Variants in OSM observed in about 807,000 individuals in gnomAD.
OSM encodes oncostatin M.
In OSM, 1 loss-of-function variant was observed where a neutral mutation model predicts 6.3. The observed-to-expected ratio is 0.16, with a 90% CI of 0.06 to 0.76. The LOEUF is 0.76. Among genes scored for constraint, OSM ranks in the 30% least tolerant of loss-of-function variants. The probability of loss-of-function intolerance (pLI) is 0.77; values close to 1 mark genes in which losing one functional copy is unlikely to be tolerated. For synonymous variants in OSM, 135 were observed against 143.4 expected (o/e 0.94, Z 0.42); for missense variants, 324 against 336.9 (o/e 0.96, Z 0.30).
rs991557623 is a variant in OSM at position 30,266,709 on chromosome 22, G to A, written c.34+57C>T. 6.1e-5 allele frequency: 98 copies of A among 1,600,134 alleles called. 1 individual carries two copies. In the Admixed American group the frequency reaches 1.3e-3, roughly 21 times the overall value. ...GCAGAGGGTGCCTCTGCTCCCCACCGGCACCCGTGGGCAGACCCAGCAGGC... is the reference window on the plus strand; with the variant it reads ...GCAGAGGGTGCCTCTGCTCCCCACCAGCACCCGTGGGCAGACCCAGCAGGC... On this transcript the variant is annotated intron_variant, in intron 1 of 2. Coordinates refer to ENST00000215781, the MANE Select transcript of OSM (RefSeq NM_020530.6). The surrounding 1 kb of genome is among the most constrained non-coding windows in gnomAD (Gnocchi z 5.0).
Position 30,263,024 on chromosome 22 carries a change from C to T in OSM, c.*859G>A, listed in dbSNP as rs1189976132. The T allele has an allele frequency of 6.5e-6, 1 of 152,694 alleles. No individual in the cohort carries two copies. The highest frequency in any genetic ancestry group is 2.4e-5 in the African/African-American group (1 of 41,442). The allele number at this position is 152,694 out of a possible 1,614,324, so 9.5% of individuals were successfully genotyped here. On this transcript the variant is annotated 3_prime_UTR_variant, in exon 3 of 3. Coordinates refer to ENST00000215781, the MANE Select transcript of OSM (RefSeq NM_020530.6). ...GCAATGGCTCCTGCGTGAGAAAATT[C>T]CAGGATCCACCACCAGGGGGAGCAG...
In OSM at chr22:30,264,117, C is replaced by A; in HGVS notation, c.525G>T (p.Pro175=). 1.2e-6 allele frequency: 2 copies of A among 1,611,310 alleles called. No homozygotes were observed. The highest frequency in any genetic ancestry group is 1.7e-6 in the Non-Finnish European group (2 of 1,178,308). The change falls in exon 3 of 3, where the codon CCG becomes CCT. Residue 175 remains proline, a synonymous_variant. Coordinates refer to ENST00000215781, the MANE Select transcript of OSM (RefSeq NM_020530.6). ...PTKAGRGASQ[P]PTPTPASDAF... ...CATCCGAGGCAGGGGTGGGGGTGGGCGGCTGAGAGGCCCCCCGGCCAGCCT... is the reference window on the plus strand; with the variant it reads ...CATCCGAGGCAGGGGTGGGGGTGGGAGGCTGAGAGGCCCCCCGGCCAGCCT...
Position 30,264,119 on chromosome 22 carries a change from G to A in OSM, c.523C>T (p.Pro175Ser), listed in dbSNP as rs529069377. 5 of 1,611,748 alleles carry A rather than the reference G, an allele frequency of 3.1e-6. No individual in the cohort carries two copies. In the South Asian group the frequency reaches 4.4e-5, roughly 14 times the overall value. The change falls in exon 3 of 3, where the codon CCG becomes TCG. Residue 175 changes from proline (P) to serine (S), a missense_variant. By Grantham distance (74) the Pro-to-Ser change is moderately conservative. Coordinates refer to ENST00000215781, the MANE Select transcript of OSM (RefSeq NM_020530.6). The part of the protein sequence containing the change: ...PTKAGRGASQ[P>S]PTPTPASDAF... ...TCCGAGGCAGGGGTGGGGGTGGGCG[G>A]CTGAGAGGCCCCCCGGCCAGCCTTC...
rs749106969 is a variant in OSM at position 30,264,018 on chromosome 22, G to C, written c.624C>G (p.Val208=). 2 of 1,563,456 alleles carry C rather than the reference G, an allele frequency of 1.3e-6. No individual in the cohort carries two copies. The highest frequency in any genetic ancestry group is 3.6e-5 in the Admixed American group (2 of 54,874). ...TCGGGCTCTCCCCCCACTTGCTGAA[G>C]ACCCGCCCCACTGAGTGCATGAAGC... The part of the protein sequence containing the change: ...YHRFMHSVGR[V]FSKWGESPNR... The change falls in exon 3 of 3, where the codon GTC becomes GTG. Residue 208 remains valine, a synonymous_variant. Transcript: ENST00000215781.
At position 30,264,080 on chromosome 22, in the gene OSM, TGC is replaced by T. The variant is rs1474319473; in HGVS notation, c.560_561del (p.Arg187GlnfsTer106). ...TPTPASDAFQ[R>X]KLEGCRFLHG... is the part of the protein sequence containing the mutation. ...TGCAGGAACCTGCAGCCCTCCAGCT[TGC>T]GCTGAAAAGCATCCGAGGCAGGGGT... On this transcript the variant is annotated frameshift_variant, in exon 3 of 3. Transcript: ENST00000215781. LOFTEE classifies it low-confidence loss of function (END_TRUNC). 1 of 1,604,054 alleles carries T rather than the reference TGC, an allele frequency of 6.2e-7. No homozygotes were observed. The highest frequency in any genetic ancestry group is 8.5e-7 in the Non-Finnish European group (1 of 1,173,196).
At position 30,263,470 on chromosome 22, in the gene OSM, C is replaced by G. The variant is rs1031310748; in HGVS notation, c.*413G>C. The G allele has an allele frequency of 2.2e-5, 4 of 183,418 alleles. No homozygotes were observed. Among genetic ancestry groups the G allele is most frequent in the African/African-American group, 7.0e-5 (3 of 42,706 alleles). 11.4% of individuals were successfully genotyped at this position (183,418 alleles called of 1,614,324 possible). A position where few individuals can be genotyped will look rare whatever the true frequency, so the allele number is the denominator to read the frequency against. ...GAGGCCAGCTCAGGCTGTGACCTCC[C>G]CTTCAGAAACACGGAAAGGAGGAAG... On this transcript the variant is annotated 3_prime_UTR_variant, in exon 3 of 3. Coordinates refer to ENST00000215781, the MANE Select transcript of OSM (RefSeq NM_020530.6).
At position 30,262,992 on chromosome 22, in the gene OSM, T is replaced by G. The variant is rs1929277110; in HGVS notation, c.*891A>C. 1 of 152,732 alleles carries G rather than the reference T, an allele frequency of 6.5e-6. No homozygotes were observed. Among genetic ancestry groups the G allele is most frequent in the Non-Finnish European group, 1.5e-5 (1 of 68,032 alleles). 9.5% of individuals were successfully genotyped at this position (152,732 alleles called of 1,614,324 possible). A position where few individuals can be genotyped will look rare whatever the true frequency, so the allele number is the denominator to read the frequency against. ...GCCTCGCAGTTTCTGAGACCCCCTC[T>G]AGGAGAGCAATGGCTCCTGCGTGAG... On this transcript the variant is annotated 3_prime_UTR_variant, in exon 3 of 3. Transcript: ENST00000215781.
In OSM at chr22:30,266,446, TTC is replaced by T. The variant is rs1929394378; in HGVS notation, c.34+318_34+319del. Among the ~76,000 whole-genome samples the T allele has an allele frequency of 6.6e-6, 1 of 152,098 alleles. No homozygotes were observed. Among genetic ancestry groups the T allele is most frequent in the Non-Finnish European group, 1.5e-5 (1 of 67,990 alleles). The stretch of plus-strand genomic sequence containing the variant: ...ACCTCACACCACTTCCCTGCCCAGC[TTC>T]TGAGCCTCCCTCTCCTGCCCAGCCT... On this transcript the variant is annotated intron_variant, in intron 1 of 2. Coordinates refer to ENST00000215781, the MANE Select transcript of OSM (RefSeq NM_020530.6). The surrounding 1 kb of genome is among the most constrained non-coding windows in gnomAD (Gnocchi z 5.0).
In OSM at chr22:30,266,101, G is replaced by A. The variant is rs1227700461; in HGVS notation, c.34+665C>T. Among the ~76,000 whole-genome samples the A allele has an allele frequency of 6.6e-6, 1 of 152,280 alleles. No individual in the cohort carries two copies. The highest frequency in any genetic ancestry group is 2.4e-5 in the African/African-American group (1 of 41,478). The stretch of plus-strand genomic sequence containing the variant: ...CCACGGCACCCTCGCCGCCTCCCCA[G>A]GTATCTGCTGCCGGGCTCTGGCAGG... On this transcript the variant is annotated intron_variant, in intron 1 of 2. Transcript: ENST00000215781. This position sits in a 1 kb window ranked among gnomAD's most constrained non-coding sequence, Gnocchi z 5.0.
chr22:30,266,506 C>G lies in OSM; in HGVS notation c.34+260G>C, dbSNP rs982415507. Among the ~76,000 whole-genome samples, 10 of 152,176 alleles carry G rather than the reference C, an allele frequency of 6.6e-5. No individual in the cohort carries two copies. Among genetic ancestry groups the G allele is most frequent in the Non-Finnish European group, 1.5e-4 (10 of 68,016 alleles). On this transcript the variant is annotated intron_variant, in intron 1 of 2. Transcript: ENST00000215781. The surrounding 1 kb of genome is among the most constrained non-coding windows in gnomAD (Gnocchi z 5.0). ...CATCCTATTCTCTCACCCCCTGGTT[C>G]CCAGAGTTGCCTCTACATCTTGACA... is the stretch of plus-strand genomic sequence containing the variant.
Position 30,266,533 on chromosome 22 carries a change from C to A in OSM, c.34+233G>T, listed in dbSNP as rs1054510111. 1.3e-5 allele frequency among the ~76,000 whole-genome samples: 2 copies of A among 152,166 alleles called. No homozygotes were observed. Among genetic ancestry groups the A allele is most frequent in the Non-Finnish European group, 2.9e-5 (2 of 68,018 alleles). ...CAGAGTTGCCTCTACATCTTGACATCACCTCCCCCTGGAAGCCTTCCAGGG... is the reference window on the plus strand; with the variant it reads ...CAGAGTTGCCTCTACATCTTGACATAACCTCCCCCTGGAAGCCTTCCAGGG... On this transcript the variant is annotated intron_variant, in intron 1 of 2. Transcript: ENST00000215781. The surrounding 1 kb of genome is among the most constrained non-coding windows in gnomAD (Gnocchi z 5.0).
At chr22:30,264,853 C>T (rs544421939) in intron 2 of OSM, 149 bp downstream of exon 2, 4 of 1,052,160 alleles carry the variant, frequency 3.8e-6, no homozygotes, top group South Asian at 3.1e-5. Flanking sequence ...AGCCTTAGCT[C>T]CTCAGGGTTA....
At chr22:30,265,329 C>T (rs569183955) in intron 1 of OSM, 185 bp from the exon 2 acceptor site, 13 of 985,358 alleles carry the variant, frequency 1.3e-5, no homozygotes, top group Admixed American at 6.1e-5. Context: ...AGGCCACCAT[C>T]ATCTCCCCAG....
Position 30,263,277 on chromosome 22 carries a change from G to A in OSM, c.*606C>T, listed in dbSNP as rs199914081. ...GAGAAAACAGGTCCACAGAGGTAAAGTGACCTGCCCCAGGCCACGTGGCGA... is the reference window on the plus strand; with the variant it reads ...GAGAAAACAGGTCCACAGAGGTAAAATGACCTGCCCCAGGCCACGTGGCGA... On this transcript the variant is annotated 3_prime_UTR_variant, in exon 3 of 3. Coordinates refer to ENST00000215781, the MANE Select transcript of OSM (RefSeq NM_020530.6). 6.5e-6 allele frequency: 1 copy of A among 152,842 alleles called. No homozygotes were observed. The highest frequency in any genetic ancestry group is 2.4e-5 in the African/African-American group (1 of 41,484). The allele number at this position is 152,842 out of a possible 1,614,324, so 9.5% of individuals were successfully genotyped here. A position where few individuals can be genotyped will look rare whatever the true frequency, so the allele number is the denominator to read the frequency against.
Position 30,265,161 on chromosome 22 carries a change from G to GGGT in OSM, c.35-20_35-18dup. ...GGACCAGACCTAAGGCAGAGAAGAG[G>GGGT]GGTGTCACCTGACTTGGTGAGGAAA... On this transcript the variant is annotated splice_polypyrimidine_tract_variant and intron_variant, in intron 1 of 2. Transcript: ENST00000215781. The GGGT allele has an allele frequency of 6.2e-7, 1 of 1,600,362 alleles. No homozygotes were observed. The highest frequency in any genetic ancestry group is 8.6e-7 in the Non-Finnish European group (1 of 1,168,960).
Position 30,263,998 on chromosome 22 carries a change from C to T in OSM, c.644G>A (p.Ser215Asn). Reference protein sequence around the residue: ...VGRVFSKWGESPNRSRRHSPH... With the variant: ...VGRVFSKWGENPNRSRRHSPH... ...GCTGTGTCTCCGGCTCCGGTTCGGG[C>T]TCTCCCCCCACTTGCTGAAGACCCG... Residue 215 changes from serine (S) to asparagine (N), a missense_variant, in exon 3 of 3, where the codon AGC (serine) becomes AAC (asparagine). By Grantham distance (46) the Ser-to-Asn change is conservative. Transcript: ENST00000215781. 1.3e-6 allele frequency: 2 copies of T among 1,555,452 alleles called. No individual in the cohort carries two copies. The highest frequency in any genetic ancestry group is 2.5e-5 in the South Asian group (2 of 81,412).
chr22:30,264,880 G>T, intron 2 of OSM, 122 bp downstream of exon 2: 1 of 1,215,570 alleles, frequency 8.2e-7, no homozygotes, highest in African/African-American at 1.5e-5. Context: ...GAATAACATA[G>T]CGACTCAGTT....
rs1929390722 is a variant in OSM, at chr22:30,266,294, CTG to C, written c.34+470_34+471del. 2.0e-5 allele frequency among the ~76,000 whole-genome samples: 3 copies of C among 152,160 alleles called. No individual in the cohort carries two copies. The South Asian group carries it at 6.2e-4, about 32-fold the overall frequency. ...CAGGGCTGTAGATGACGTCATATGG[CTG>C]TGTGCGCATGTGGCCATGTGGGTGT... On this transcript the variant is annotated intron_variant, in intron 1 of 2. Transcript: ENST00000215781. This position sits in a 1 kb window ranked among gnomAD's most constrained non-coding sequence, Gnocchi z 5.0.
At chr22:30,264,488 G>A (rs753682793) in intron 2 of OSM, 24 bp from the exon 3 acceptor site, 8 of 1,567,882 alleles carry the variant, frequency 5.1e-6, no homozygotes, top group Non-Finnish European at 7.0e-6. Flanking sequence ...GAGGATCACA[G>A]GGTGAATGCT....
Sources: allele counts gnomAD v4.1 joint callset (sites outside exome capture counted in the v4.1 genomes callset), GRCh38; gene constraint gnomAD v4.1.1; non-coding constraint Gnocchi (gnomAD v3.1); transcripts MANE v1.5; gene names NCBI Gene and HGNC (gene_info 2026-07-23, HGNC 2026-07-21).